The following GLRA3 variants were observed in gnomAD, a reference collection of about 807,000 sequenced individuals.
GLRA3 encodes glycine receptor alpha 3.
In GLRA3, 44 loss-of-function variants were observed where a neutral mutation model predicts 60.4. The observed-to-expected ratio is 0.73, with a 90% CI of 0.57 to 0.94. The LOEUF (loss-of-function observed/expected upper bound fraction) is 0.94. GLRA3 is among the 40% of genes least tolerant of loss of function. The pLI, the probability that GLRA3 is intolerant of heterozygous loss-of-function variation, is 0.00. For synonymous variants in GLRA3, 223 were observed against 192.9 expected, an observed-to-expected ratio of 1.16 and a Z score of -1.29; for missense variants, 508 against 564.6, an observed-to-expected ratio of 0.90 and a Z score of 1.02.
intron 3 of GLRA3, among the ~76,000 whole-genome samples, chr4:174,743,683 C>T (rs1271671395): frequency 6.6e-6 from 1 of 152,034 alleles, no homozygotes; most frequent in East Asian, 1.9e-4. Flanking sequence ...TATAGTGAAG[C>T]TTATTTGGTA....
At chr4:174,746,827 C>A (rs1579544147) in intron 3 of GLRA3, among the ~76,000 whole-genome samples, 1 of 152,010 alleles carries the variant, frequency 6.6e-6, no homozygotes, top group East Asian at 1.9e-4. Flanking sequence ...TCACATGTAC[C>A]CAATAAATAT....
rs1736052222 is a variant in GLRA3 at position 174,719,281 on chromosome 4, A to G, written c.492-3711T>C. Among the ~76,000 whole-genome samples the G allele has an allele frequency of 2.0e-5, 3 of 152,032 alleles. No individual in the cohort carries two copies. The South Asian group carries it at 6.2e-4, about 31-fold the overall frequency. On this transcript the variant is annotated intron_variant, in intron 4 of 9. Transcript: ENST00000274093. ...CCCGGCCTCGTGCTTTTAACCTTTA[A>G]GTATACTGCCTCTCAAAAGCATTGA...
intron 1 of GLRA3, among the ~76,000 whole-genome samples, chr4:174,811,340 C>T (rs1258081143): frequency 6.6e-6 from 1 of 151,926 alleles, no homozygotes; most frequent in African/African-American, 2.4e-5. Context: ...CAGATGTTAC[C>T]TTTTCTTTAG....
chr4:174,713,393 A>AC (rs1403767011), intron 5 of GLRA3, among the ~76,000 whole-genome samples: 1 of 152,174 alleles, frequency 6.6e-6, no homozygotes, highest in African/African-American at 2.4e-5. Context: ...CAGTGATCTA[A>AC]CCAACCCTCA....
intron 1 of GLRA3, among the ~76,000 whole-genome samples, chr4:174,801,542 A>G (rs887112704): frequency 1.3e-5 from 2 of 152,042 alleles, no homozygotes; most frequent in Admixed American, 6.6e-5. Context: ...TATTCTTCCA[A>G]TTCTCAAGAT....
chr4:174,816,938 G>T (rs1437975160), intron 1 of GLRA3, among the ~76,000 whole-genome samples: 2 of 152,026 alleles, frequency 1.3e-5, no homozygotes, highest in Non-Finnish European at 2.9e-5. Flanking sequence ...GTAAAATGGG[G>T]TATCCACCCC....
chr4:174,753,121 C>T (rs866739056), intron 3 of GLRA3, among the ~76,000 whole-genome samples: 14 of 152,112 alleles, frequency 9.2e-5, no homozygotes, highest in African/African-American at 2.9e-4. Context: ...TCATTGACTT[C>T]CTAAGTAACA....
intron 3 of GLRA3, 107 bp from the exon 4 acceptor site, chr4:174,728,805 A>G (rs980086240): frequency 1.7e-5 from 11 of 654,414 alleles, no homozygotes; most frequent in African/African-American, 1.6e-4. Flanking sequence ...TGTAGAAAAT[A>G]TACCCCTCTT....
At chr4:174,798,663 G>A (rs773196592) in intron 1 of GLRA3, among the ~76,000 whole-genome samples, 11 of 152,236 alleles carry the variant, frequency 7.2e-5, no homozygotes, top group African/African-American at 2.4e-4. Context: ...GGTGGCTCAT[G>A]CCTGTAATCC....
chr4:174,677,884 C>T lies in GLRA3; in HGVS notation c.713-592G>A, dbSNP rs145591839. On this transcript the variant is annotated intron_variant, in intron 6 of 9. Coordinates refer to ENST00000274093, the MANE Select transcript of GLRA3 (RefSeq NM_006529.4). ...AAAGATTTATTATTTCACTTGATTA[C>T]GACAATTGCTTCTGAGGCAGACAGG... is the stretch of plus-strand genomic sequence containing the variant. Among the ~76,000 whole-genome samples the T allele has an allele frequency of 2.7e-3, 405 of 152,206 alleles. 1 individual carries two copies. Among genetic ancestry groups the T allele is most frequent in the South Asian group, 0.011 (52 of 4,822 alleles).
At chr4:174,726,870 T>C (rs1736346911) in intron 4 of GLRA3, among the ~76,000 whole-genome samples, 1 of 152,174 alleles carries the variant, frequency 6.6e-6, no homozygotes, top group African/African-American at 2.4e-5. Context: ...GGGTGGACTT[T>C]TGGTAATTTT....
chr4:174,721,007 T>TGTG (rs1736107923), intron 4 of GLRA3, among the ~76,000 whole-genome samples: 6 of 141,456 alleles, frequency 4.2e-5, no homozygotes, highest in Non-Finnish European at 7.8e-5. Flanking sequence ...TGTGTGAACT[T>TGTG]TGTGTGTGTG....
At chr4:174,723,657 A>G (rs909747682) in intron 4 of GLRA3, among the ~76,000 whole-genome samples, 2 of 152,030 alleles carry the variant, frequency 1.3e-5, no homozygotes, top group African/African-American at 4.8e-5. Flanking sequence ...GTGAAACAGT[A>G]CTTCAAAATA....
intron 9 of GLRA3, among the ~76,000 whole-genome samples, chr4:174,651,862 G>A (rs1376693878): frequency 6.6e-6 from 1 of 152,020 alleles, no homozygotes; most frequent in Non-Finnish European, 1.5e-5. Flanking sequence ...GTGCCCATGA[G>A]ATGAGGCATG....
At chr4:174,745,475 G>A (rs898029814) in intron 3 of GLRA3, among the ~76,000 whole-genome samples, 9 of 152,154 alleles carry the variant, frequency 5.9e-5, no homozygotes, top group South Asian at 2.1e-4. Flanking sequence ...GTTTTAGGTC[G>A]TACATTTAAG....
chr4:174,798,817 G>T (rs888237660), intron 1 of GLRA3, among the ~76,000 whole-genome samples: 5 of 152,106 alleles, frequency 3.3e-5, no homozygotes, highest in African/African-American at 4.8e-5. Flanking sequence ...CCAGCTACTC[G>T]GGAGGCTGAG....
At chr4:174,783,894 T>C (rs1323877530) in intron 2 of GLRA3, among the ~76,000 whole-genome samples, 1 of 151,968 alleles carries the variant, frequency 6.6e-6, no homozygotes, top group Non-Finnish European at 1.5e-5. Context: ...AGTTCAACCA[T>C]TGTGGAAGTC....
At chr4:174,678,090 T>G (rs887174658) in intron 6 of GLRA3, among the ~76,000 whole-genome samples, 2 of 152,130 alleles carry the variant, frequency 1.3e-5, no homozygotes, top group African/African-American at 4.8e-5. Context: ...AGCAAACAAA[T>G]AGGAAAATAT....
At chr4:174,647,733 TAACTC>T (rs1217221006) in intron 9 of GLRA3, among the ~76,000 whole-genome samples, 4 of 151,996 alleles carry the variant, frequency 2.6e-5, no homozygotes, top group Non-Finnish European at 5.9e-5. Flanking sequence ...AAAAAAAAAA[TAACTC>T]AGTATGTTCC....
Sources: allele counts gnomAD v4.1 joint callset (sites outside exome capture counted in the v4.1 genomes callset), GRCh38; gene constraint gnomAD v4.1.1; transcripts MANE v1.5; gene names NCBI Gene and HGNC (gene_info 2026-07-23, HGNC 2026-07-21).